The following CUL4A variants were observed in gnomAD, a reference collection of about 807,000 sequenced individuals.
The protein encoded by CUL4A is cullin 4A.
CUL4A carries 16 observed loss-of-function variants against 95.5 expected under a neutral mutation model. That is an observed-to-expected ratio of 0.17 (90% CI 0.11 to 0.25). CUL4A has a LOEUF of 0.25. CUL4A is among the 10% of genes least tolerant of loss of function. CUL4A has a pLI of 1.00. For missense variants in CUL4A, 610 were observed against 937.0 expected, an observed-to-expected ratio of 0.65 and a Z score of 4.56; for synonymous variants, 380 against 353.1, an observed-to-expected ratio of 1.08 and a Z score of -0.85.
At chr13:113,236,666 G>A (rs1403879383) in intron 8 of CUL4A, among the ~76,000 whole-genome samples, 157 bp from the exon 9 acceptor site, 1 of 152,164 alleles carries the variant, frequency 6.6e-6, no homozygotes, top group Non-Finnish European at 1.5e-5. Context: ...TTAGCAACAG[G>A]AGTCGTCGTC....
chr13:113,231,011 G>A lies in CUL4A; in HGVS notation c.512+1492G>A, dbSNP rs567667190. Among the ~76,000 whole-genome samples the A allele has an allele frequency of 2.6e-5, 4 of 152,202 alleles. No homozygotes were observed. The East Asian group carries it at 5.8e-4, about 22-fold the overall frequency. On this transcript the variant is annotated intron_variant, in intron 5 of 19. Transcript: ENST00000375440. ...TGGTCTCGAACCCCTGGCCTCAAGC[G>A]ATCCTCCCACCTCAGCCTCCCAAAG...
At chr13:113,235,024 C>G (rs2041492061) in intron 7 of CUL4A, 39 bp from the exon 8 acceptor site, 2 of 1,421,324 alleles carry the variant, frequency 1.4e-6, no homozygotes, top group Non-Finnish European at 2.0e-6. Context: ...TGTCGACATT[C>G]TTTTTGTTAC....
chr13:113,245,923 T>G, intron 14 of CUL4A, 33 bp from the exon 15 acceptor site: 1 of 1,467,828 alleles, frequency 6.8e-7, no homozygotes, highest in Non-Finnish European at 9.4e-7. Flanking sequence ...TATTACTTTC[T>G]CAAAATGATT....
intron 16 of CUL4A, among the ~76,000 whole-genome samples, chr13:113,253,926 G>C (rs9549715): frequency 0.2 from 30,333 of 152,186 alleles, 3,810 homozygotes; most frequent in South Asian, 0.43. Context: ...TATCAAATAA[G>C]TTATACATAC....
intron 1 of CUL4A, 95 bp from the exon 2 acceptor site, chr13:113,209,878 G>A (rs1288967594): frequency 5.0e-6 from 6 of 1,199,568 alleles, no homozygotes; most frequent in South Asian, 3.1e-5. Context: ...CGGGCCCCGG[G>A]AGCGGGGGCG....
upstream of CUL4A, chr13:113,209,567 G>A: frequency 1.1e-6 from 1 of 923,670 alleles, no homozygotes; most frequent in Non-Finnish European, 1.3e-6. Flanking sequence ...ACCGGGGCGG[G>A]CGGAGCGGAG....
intron 15 of CUL4A, among the ~76,000 whole-genome samples, chr13:113,250,234 C>G (rs1048125366): frequency 6.6e-6 from 1 of 152,116 alleles, no homozygotes; most frequent in Non-Finnish European, 1.5e-5. Context: ...CCAAAGATCA[C>G]TTGAGCCCAG....
intron 2 of CUL4A, among the ~76,000 whole-genome samples, chr13:113,213,739 AG>A (rs2040538764): frequency 6.6e-6 from 1 of 152,212 alleles, no homozygotes. Context: ...GAGAACTAGG[AG>A]TGCTTACCCC....
Position 113,260,723 on chromosome 13 carries a change from T to G in CUL4A, c.2148T>G (p.Val716=), listed in dbSNP as rs1389917364. Residue 716 remains valine, a synonymous_variant, in exon 19 of 20, where the codon GTT becomes GTG. Coordinates refer to ENST00000375440, the MANE Select transcript of CUL4A (RefSeq NM_001008895.4). ...AGACTCTTGGTCATAATCTTCTAGT[T>G]TCTGAATTATATAATCAGCTGAAAT... ...MRKTLGHNLL[V]SELYNQLKFP... is the part of the protein sequence containing the mutation. 3 of 1,601,316 alleles carry G rather than the reference T, an allele frequency of 1.9e-6. No individual in the cohort carries two copies. Among genetic ancestry groups the G allele is most frequent in the Non-Finnish European group, 2.6e-6 (3 of 1,174,384 alleles).
chr13:113,208,804 G>A, upstream of CUL4A: 1 of 1,414,712 alleles, frequency 7.1e-7, no homozygotes. Flanking sequence ...CGCTCGGGCT[G>A]AGGGGGCCCG....
intron 2 of CUL4A, among the ~76,000 whole-genome samples, chr13:113,216,094 C>G (rs2040679047): frequency 6.7e-6 from 1 of 150,152 alleles, no homozygotes; most frequent in Non-Finnish European, 1.5e-5. Context: ...GGTCACGTCC[C>G]ATGTGGCTGT....
intron 11 of CUL4A, among the ~76,000 whole-genome samples, chr13:113,243,538 A>G (rs948968374): frequency 1.3e-5 from 2 of 152,162 alleles, no homozygotes; most frequent in Admixed American, 1.3e-4. Context: ...TTTTTTCACA[A>G]TAATATCAAA....
At chr13:113,239,896 A>G (rs1036141852) in intron 10 of CUL4A, among the ~76,000 whole-genome samples, 7 of 152,244 alleles carry the variant, frequency 4.6e-5, no homozygotes, top group African/African-American at 1.7e-4. Flanking sequence ...CTTGTCAGAC[A>G]TGATCTCCTC....
At chr13:113,228,396 T>C (rs543907096) in intron 4 of CUL4A, among the ~76,000 whole-genome samples, 75 of 152,360 alleles carry the variant, frequency 4.9e-4, no homozygotes, top group African/African-American at 1.8e-3. Context: ...GCTTTGTAGA[T>C]GTCTTGGCTT....
chr13:113,262,853 C>T (rs1222393385), intron 19 of CUL4A: 8 of 133,282 alleles, frequency 6.0e-5, no homozygotes, highest in East Asian at 4.6e-4. Context: ...TGGCAGATGT[C>T]GGATCTGCCT....
At position 113,229,601 on chromosome 13, in the gene CUL4A, T is replaced by C. The variant is rs2041236584; in HGVS notation, c.512+82T>C. On this transcript the variant is annotated intron_variant, in intron 5 of 19. Transcript: ENST00000375440. Reference sequence around the variant, plus strand: ...CGTTTGTGTCTTCCGCAGGCTAAGATGGTAAAGTGTGTGTGATTACTTGTG... The same window carrying C: ...CGTTTGTGTCTTCCGCAGGCTAAGACGGTAAAGTGTGTGTGATTACTTGTG... 6.2e-6 allele frequency: 7 copies of C among 1,135,292 alleles called. No homozygotes were observed. The South Asian group carries it at 6.5e-5, about 11-fold the overall frequency. The allele number at this position is 1,135,292 out of a possible 1,614,324, so 70.3% of individuals were successfully genotyped here.
rs751132176 is a variant in CUL4A, at chr13:113,228,021, C to T, written c.414C>T (p.Cys138=). The change falls in exon 4 of 20, where the codon TGC becomes TGT. Residue 138 remains cysteine, a synonymous_variant. Coordinates refer to ENST00000375440, the MANE Select transcript of CUL4A (RefSeq NM_001008895.4). ...SVLFLKKINT[C]WQDHCRQMIM... ...TATTTTTAAAGAAGATTAACACGTG[C>T]TGGCAGGACCACTGCAGACAAATGG... is the stretch of plus-strand genomic sequence containing the variant. The T allele has an allele frequency of 1.2e-6, 2 of 1,613,420 alleles. No individual in the cohort carries two copies. The highest frequency in any genetic ancestry group is 1.7e-5 in the Admixed American group (1 of 60,030).
intron 15 of CUL4A, among the ~76,000 whole-genome samples, chr13:113,247,281 A>G (rs903980893): frequency 4.6e-5 from 7 of 152,152 alleles, no homozygotes; most frequent in Non-Finnish European, 1.0e-4. Flanking sequence ...CAGACCCCCA[A>G]ACTCTTATCA....
Position 113,243,180 on chromosome 13 carries a change from TTTTG to T in CUL4A, c.1228+32_1228+35del, listed in dbSNP as rs534015642. 126 of 1,574,296 alleles carry T rather than the reference TTTTG, an allele frequency of 8.0e-5. 2 individuals carry two copies. In the South Asian group the frequency reaches 9.7e-4, roughly 12 times the overall value. On this transcript the variant is annotated intron_variant, in intron 11 of 19. Transcript: ENST00000375440. ...TGATCGGTAGAAAAATATTTGTTTT[TTTTG>T]TTTGTTTGTTTTTGAGACAGTCTCA...
Sources: allele counts gnomAD v4.1 joint callset (sites outside exome capture counted in the v4.1 genomes callset), GRCh38; gene constraint gnomAD v4.1.1; transcripts MANE v1.5; gene names NCBI Gene and HGNC (gene_info 2026-07-23, HGNC 2026-07-21).